The following MDN1 variants were observed in gnomAD, a reference collection of about 807,000 sequenced individuals.
MDN1 encodes midasin AAA ATPase 1.
Under a neutral mutation model 669.2 loss-of-function variants are expected in MDN1, and 266 were observed. That is an observed-to-expected ratio of 0.40 (90% confidence interval 0.36 to 0.44). MDN1 has a LOEUF of 0.44. Ranked by LOEUF, MDN1 falls within the 20% of genes least tolerant of loss-of-function variation. MDN1 has a pLI of 1.00. For synonymous variants in MDN1, 2,385 were observed against 2,457.1 expected, an observed-to-expected ratio of 0.97 and a Z score of 0.87; for missense variants, 5,940 against 6,754.0, an observed-to-expected ratio of 0.88 and a Z score of 4.22.
intron 2 of MDN1, among the ~76,000 whole-genome samples, chr6:89,802,353 C>T (rs1368641159): frequency 6.6e-6 from 1 of 152,132 alleles, no homozygotes; most frequent in Non-Finnish European, 1.5e-5. Flanking sequence ...GTATTTATTG[C>T]ATTGATGAAG....
chr6:89,745,973 TAAAAAG>T (rs1454845062), intron 27 of MDN1, among the ~76,000 whole-genome samples: 1 of 151,832 alleles, frequency 6.6e-6, no homozygotes, highest in Non-Finnish European at 1.5e-5. Flanking sequence ...GATTACCACA[TAAAAAG>T]AAAAAGAAAA....
intron 33 of MDN1, among the ~76,000 whole-genome samples, chr6:89,732,997 C>T (rs779840692): frequency 2.0e-5 from 3 of 152,052 alleles, no homozygotes; most frequent in Non-Finnish European, 4.4e-5. Context: ...ATCCAAAGAA[C>T]AAAACAAAAC....
Position 89,658,334 on chromosome 6 carries a change from G to A in MDN1, c.15058C>T (p.Gln5020Ter). The A allele has an allele frequency of 1.2e-6, 2 of 1,614,172 alleles. No homozygotes were observed. The highest frequency in any genetic ancestry group is 1.7e-6 in the Non-Finnish European group (2 of 1,180,042). Reference sequence around the variant, plus strand: ...TTCCTCTCCAAAGCCTCTGGCACCTGCTCCTCTGTATCAGAGTCCTCCCGT... The same window carrying A: ...TTCCTCTCCAAAGCCTCTGGCACCTACTCCTCTGTATCAGAGTCCTCCCGT... ...EEREDSDTEEQVPEALERKEH... is the reference protein window; with the variant it reads ...EEREDSDTEE The change falls in exon 90 of 102, where the codon CAG becomes TAG. Residue 5020 changes from glutamine (Q) to a stop codon, truncating the protein, a stop_gained. Coordinates refer to ENST00000369393, the MANE Select transcript of MDN1 (RefSeq NM_014611.3). LOFTEE classifies it high-confidence loss of function.
At chr6:89,806,877 C>A (rs1405610264) in intron 1 of MDN1, among the ~76,000 whole-genome samples, 1 of 150,340 alleles carries the variant, frequency 6.7e-6, no homozygotes, top group Non-Finnish European at 1.5e-5. Flanking sequence ...CATGATCGTG[C>A]CCACTGCACT....
intron 76 of MDN1, 130 bp downstream of exon 76, chr6:89,677,440 G>T: frequency 8.6e-7 from 1 of 1,157,938 alleles, no homozygotes; most frequent in Non-Finnish European, 1.2e-6. Flanking sequence ...CCTGAGCCAG[G>T]CACTTTTGTA....
chr6:89,819,362 G>A, intron 1 of MDN1, 144 bp downstream of exon 1: 1 of 758,392 alleles, frequency 1.3e-6, no homozygotes, highest in Non-Finnish European at 2.2e-6. Flanking sequence ...CACGACCTGC[G>A]CCAGCCCACA....
intron 1 of MDN1, among the ~76,000 whole-genome samples, chr6:89,809,396 C>A (rs958352274): frequency 1.3e-5 from 2 of 151,774 alleles, no homozygotes; most frequent in Non-Finnish European, 2.9e-5. Context: ...TTTGGGAGGC[C>A]AAGGCAGGCA....
chr6:89,743,101 T>A (rs1228094519), intron 31 of MDN1, 49 bp downstream of exon 31: 4 of 1,576,010 alleles, frequency 2.5e-6, no homozygotes, highest in Admixed American at 1.9e-5. Flanking sequence ...AAAAAAAAAA[T>A]CACACCAACA....
chr6:89,708,489 C>T lies in MDN1; in HGVS notation c.7898+7G>A, dbSNP rs889900784. The T allele has an allele frequency of 3.7e-6, 6 of 1,613,824 alleles. No homozygotes were observed. The Admixed American group carries it at 8.3e-5, about 22-fold the overall frequency. ...AAACAGTGCCCAGAGCAGCAGGTTT[C>T]ACTTACTTGTTTGCAGCTGATTCTA... On this transcript the variant is annotated splice_region_variant and intron_variant, in intron 51 of 101. Coordinates refer to ENST00000369393, the MANE Select transcript of MDN1 (RefSeq NM_014611.3).
chr6:89,690,072 T>C lies in MDN1; in HGVS notation c.10821A>G (p.Glu3607=), dbSNP rs1184633156. ...AGAGGAGAGCTGGGTTTGTGCCTGC[T>C]TCCTCTTCTTGCCCATCTGAAGTTC... ...NKGTSDGQEE[E]AGTNPALLSQ... The change falls in exon 65 of 102, where the codon GAA becomes GAG. Residue 3607 remains glutamate, a synonymous_variant. Coordinates refer to ENST00000369393, the MANE Select transcript of MDN1 (RefSeq NM_014611.3). The C allele has an allele frequency of 3.1e-6, 5 of 1,614,204 alleles. No homozygotes were observed. The East Asian group carries it at 6.7e-5, about 22-fold the overall frequency.
intron 8 of MDN1, among the ~76,000 whole-genome samples, 187 bp downstream of exon 8, chr6:89,787,667 G>GA (rs1554198281): frequency 2.6e-5 from 4 of 151,156 alleles, no homozygotes; most frequent in Non-Finnish European, 5.9e-5. Context: ...TCGGGGGGGG[G>GA]ACCTCTTATT....
chr6:89,770,319 A>G (rs1818018181), intron 15 of MDN1, among the ~76,000 whole-genome samples: 1 of 149,722 alleles, frequency 6.7e-6, no homozygotes, highest in Admixed American at 6.7e-5. Flanking sequence ...CAGAAGAATC[A>G]CCTGAACGTG....
chr6:89,669,116 T>C (rs1037495715), intron 83 of MDN1, among the ~76,000 whole-genome samples: 1 of 152,100 alleles, frequency 6.6e-6, no homozygotes, highest in Non-Finnish European at 1.5e-5. Flanking sequence ...GCCACAGGGC[T>C]CCCAACATTC....
chr6:89,663,813 G>T (rs980894894), intron 85 of MDN1, among the ~76,000 whole-genome samples: 1 of 151,814 alleles, frequency 6.6e-6, no homozygotes, highest in Non-Finnish European at 1.5e-5. Context: ...GTGGTGGCAG[G>T]CGCCTGTAGT....
intron 42 of MDN1, 44 bp downstream of exon 42, chr6:89,718,723 G>A (rs1381017344): frequency 6.2e-7 from 1 of 1,609,954 alleles, no homozygotes. Flanking sequence ...CAGACCACGG[G>A]GTTTATTATG....
At chr6:89,711,980 A>C in intron 49 of MDN1, 56 bp downstream of exon 49, 1 of 1,421,934 alleles carries the variant, frequency 7.0e-7, no homozygotes, top group Non-Finnish European at 9.7e-7. Flanking sequence ...GAGGCACTTA[A>C]ATAGCATAAG....
intron 100 of MDN1, among the ~76,000 whole-genome samples, chr6:89,645,750 C>T (rs1808451690): frequency 6.6e-6 from 1 of 152,148 alleles, no homozygotes; most frequent in Non-Finnish European, 1.5e-5. Context: ...GTGTTTCCAG[C>T]TAAAGATTAT....
At chr6:89,673,676 CTAGGTT>C (rs1441086064) in intron 79 of MDN1, 2 of 555,544 alleles carry the variant, frequency 3.6e-6, no homozygotes, top group East Asian at 5.8e-5. Flanking sequence ...TACTAAACAC[CTAGGTT>C]TAGTAATGGA....
chr6:89,690,688 GA>G lies in MDN1; in HGVS notation c.10733del (p.Phe3578SerfsTer46), dbSNP rs1244606097. 1.9e-6 allele frequency: 3 copies of G among 1,613,976 alleles called. No individual in the cohort carries two copies. The highest frequency in any genetic ancestry group is 2.5e-6 in the Non-Finnish European group (3 of 1,180,004). ...EEEEREFRKQ[F>X]PLHEKDFADI... ...ACTGCTCTACCTTTTCATGCAGGGG[GA>G]ACTGTTTTCTGAACTCCCGTTCTTC... is the stretch of plus-strand genomic sequence containing the variant. On this transcript the variant is annotated frameshift_variant, in exon 64 of 102. Transcript: ENST00000369393. LOFTEE classifies it high-confidence loss of function.
Sources: allele counts gnomAD v4.1 joint callset (sites outside exome capture counted in the v4.1 genomes callset), GRCh38; gene constraint gnomAD v4.1.1; transcripts MANE v1.5; gene names NCBI Gene and HGNC (gene_info 2026-07-23, HGNC 2026-07-21).